The following ZFPM2 variants were observed in gnomAD, a reference collection of about 807,000 sequenced individuals.
ZFPM2 encodes the protein zinc finger protein ZFPM2.
Under a neutral mutation model 98.6 loss-of-function variants are expected in ZFPM2, and 20 were observed. That is an observed-to-expected ratio of 0.20 (90% confidence interval 0.14 to 0.29). The LOEUF (loss-of-function observed/expected upper bound fraction) is 0.29, where lower values mean the gene tolerates loss of function less well. ZFPM2 is among the 10% of genes least tolerant of loss of function. The pLI is 1.00. For synonymous variants in ZFPM2, 518 were observed against 502.7 expected, an observed-to-expected ratio of 1.03 and a Z score of -0.41; for missense variants, 1,310 against 1,388.6, an observed-to-expected ratio of 0.94 and a Z score of 0.90.
At position 105,802,219 on chromosome 8, in the gene ZFPM2, C is replaced by T. The variant is rs1212226889; in HGVS notation, c.2137C>T (p.Arg713Cys). 5 of 1,613,912 alleles carry T rather than the reference C, an allele frequency of 3.1e-6. No homozygotes were observed. The highest frequency in any genetic ancestry group is 3.4e-6 in the Non-Finnish European group (4 of 1,179,864). The change falls in exon 8 of 8, where the codon CGC becomes TGC. Residue 713 changes from arginine to cysteine, a missense_variant. Coordinates refer to ENST00000407775, the MANE Select transcript of ZFPM2 (RefSeq NM_012082.4). Reference sequence around the variant, plus strand: ...CCACAAACAGTATTACTGTGCTACACGCCACGACCCTCCACTGAAGAGGTC... The same window carrying T: ...CCACAAACAGTATTACTGTGCTACATGCCACGACCCTCCACTGAAGAGGTC... The part of the protein sequence containing the change: ...MVHKQYYCAT[R>C]HDPPLKRSAS...
intron 5 of ZFPM2, among the ~76,000 whole-genome samples, chr8:105,655,403 G>T (rs1162829803): frequency 6.6e-6 from 1 of 151,646 alleles, no homozygotes; most frequent in Non-Finnish European, 1.5e-5. Context: ...AGCTAATTTT[G>T]TATTTTTAGT....
At chr8:105,421,455 A>G (rs574185406) in intron 2 of ZFPM2, among the ~76,000 whole-genome samples, 3 of 152,172 alleles carry the variant, frequency 2.0e-5, no homozygotes, top group Admixed American at 6.5e-5. Context: ...TAGTAATATT[A>G]CTATTGATAG....
chr8:105,637,967 G>T (rs545408363), intron 5 of ZFPM2, among the ~76,000 whole-genome samples: 2 of 152,166 alleles, frequency 1.3e-5, no homozygotes, highest in Non-Finnish European at 2.9e-5. Flanking sequence ...GTGTGTGTGT[G>T]TGTGTTTTGG....
intron 4 of ZFPM2, among the ~76,000 whole-genome samples, chr8:105,599,133 A>C (rs997140671): frequency 1.3e-5 from 2 of 152,050 alleles, no homozygotes; most frequent in Non-Finnish European, 2.9e-5. Flanking sequence ...CTAAGAAAAA[A>C]ATTAAAAGGC....
intron 3 of ZFPM2, among the ~76,000 whole-genome samples, chr8:105,503,927 G>A (rs1213838831): frequency 2.0e-5 from 3 of 152,160 alleles, no homozygotes; most frequent in Admixed American, 6.6e-5. Context: ...CACTGCAGTC[G>A]CTGCTGGTAT....
At chr8:105,790,988 G>C (rs1238840283) in intron 6 of ZFPM2, among the ~76,000 whole-genome samples, 3 of 152,164 alleles carry the variant, frequency 2.0e-5, no homozygotes, top group Non-Finnish European at 2.9e-5. Flanking sequence ...AGGAGATTTG[G>C]GGCTGAGACA....
At chr8:105,445,340 T>C in intron 3 of ZFPM2, among the ~76,000 whole-genome samples, 1 of 152,200 alleles carries the variant, frequency 6.6e-6, no homozygotes, top group Non-Finnish European at 1.5e-5. Flanking sequence ...CAAATGTTTG[T>C]ATTCTGTATA....
chr8:105,371,588 A>C (rs1810622513), intron 1 of ZFPM2, among the ~76,000 whole-genome samples: 1 of 152,208 alleles, frequency 6.6e-6, no homozygotes, highest in South Asian at 2.1e-4. Flanking sequence ...ATCGAGATAT[A>C]CACTCTCAAG....
rs1333447145 is a variant in ZFPM2 at position 105,318,471 on chromosome 8, G to GCGGCGC, written c.-467_-462dup. Among the ~76,000 whole-genome samples, 254 of 151,170 alleles carry GCGGCGC rather than the reference G, an allele frequency of 1.7e-3. No individual in the cohort carries two copies. Among genetic ancestry groups the GCGGCGC allele is most frequent in the African/African-American group, 5.8e-3 (238 of 41,366 alleles). On this transcript the variant is annotated 5_prime_UTR_variant, in exon 1 of 8. Coordinates refer to ENST00000407775, the MANE Select transcript of ZFPM2 (RefSeq NM_012082.4). ...AGCTGCGCGGCCCGGAGCGGCGGCG[G>GCGGCGC]CGGCGCCGGAGTATCCGTCCCGCAC...
At chr8:105,603,999 TTCCATGTTAAAGCCAAATTTAAA>T (rs1816145923) in intron 4 of ZFPM2, among the ~76,000 whole-genome samples, 1 of 151,976 alleles carries the variant, frequency 6.6e-6, no homozygotes. Context: ...TGGCTTTAAC[TTCCATGTTAAAGCCAAATTTAAA>T]TCCCCGCCCG....
chr8:105,371,122 A>G (rs548579372), intron 1 of ZFPM2, among the ~76,000 whole-genome samples: 36 of 152,326 alleles, frequency 2.4e-4, no homozygotes, highest in African/African-American at 7.5e-4. Context: ...AGAAATGTTA[A>G]GCCTCTATTT....
chr8:105,631,331 CAAT>C (rs1367230075), intron 4 of ZFPM2, among the ~76,000 whole-genome samples: 4 of 152,272 alleles, frequency 2.6e-5, no homozygotes, highest in South Asian at 2.1e-4. Context: ...TTATCAATAA[CAAT>C]AATATTAATG....
Position 105,432,928 on chromosome 8 carries a change from T to C in ZFPM2, c.200-11352T>C, listed in dbSNP as rs187106567. On this transcript the variant is annotated intron_variant, in intron 2 of 7. Coordinates refer to ENST00000407775, the MANE Select transcript of ZFPM2 (RefSeq NM_012082.4). ...TAGCCTGGGCAATACAGTGAGACAC[T>C]CATATCCACAAAACATAAAAATAAT... Among the ~76,000 whole-genome samples, 253 of 152,046 alleles carry C rather than the reference T, an allele frequency of 1.7e-3. 1 individual carries two copies. The highest frequency in any genetic ancestry group is 4.6e-3 in the Admixed American group (70 of 15,284).
intron 3 of ZFPM2, among the ~76,000 whole-genome samples, chr8:105,452,882 T>C (rs1812515857): frequency 6.6e-6 from 1 of 152,330 alleles, no homozygotes; most frequent in South Asian, 2.1e-4. Context: ...TCTGCAAATA[T>C]ATGTGAGAAT....
At chr8:105,373,528 A>G (rs1810664701) in intron 1 of ZFPM2, among the ~76,000 whole-genome samples, 1 of 152,202 alleles carries the variant, frequency 6.6e-6, no homozygotes, top group South Asian at 2.1e-4. Flanking sequence ...TACAGTCATC[A>G]TTACAGATTA....
intron 5 of ZFPM2, among the ~76,000 whole-genome samples, chr8:105,714,917 G>A (rs185207850): frequency 1.4e-4 from 21 of 152,146 alleles, no homozygotes; most frequent in Admixed American, 8.5e-4. Context: ...ATAATATTCC[G>A]ATATCTGAAA....
intron 4 of ZFPM2, among the ~76,000 whole-genome samples, chr8:105,593,353 G>A (rs1815891621): frequency 6.6e-6 from 1 of 151,816 alleles, no homozygotes; most frequent in Non-Finnish European, 1.5e-5. Flanking sequence ...CTGACCTGTG[G>A]GGCAGAGTAT....
chr8:105,497,047 G>A (rs1813484726), intron 3 of ZFPM2, among the ~76,000 whole-genome samples: 2 of 148,544 alleles, frequency 1.3e-5, no homozygotes, highest in African/African-American at 4.9e-5. Context: ...GTGCAGTGGC[G>A]AGATCTGGGC....
Position 105,795,162 on chromosome 8 carries a change from C to T in ZFPM2, c.740-3562C>T, listed in dbSNP as rs192705691. Among the ~76,000 whole-genome samples the T allele has an allele frequency of 9.9e-4, 150 of 152,160 alleles. 1 individual carries two copies. Among genetic ancestry groups the T allele is most frequent in the Non-Finnish European group, 1.5e-3 (100 of 68,002 alleles). On this transcript the variant is annotated intron_variant, in intron 6 of 7. Coordinates refer to ENST00000407775, the MANE Select transcript of ZFPM2 (RefSeq NM_012082.4). ...CTCAGATGGAAATGCAAAAATCACC[C>T]GTCTTCTGCGTCACTCACGCTGGGA... is the stretch of plus-strand genomic sequence containing the variant.
Sources: allele counts gnomAD v4.1 joint callset (sites outside exome capture counted in the v4.1 genomes callset), GRCh38; gene constraint gnomAD v4.1.1; transcripts MANE v1.5; gene names NCBI Gene and HGNC (gene_info 2026-07-23, HGNC 2026-07-21).